The following OLFML3 variants were observed in gnomAD, a reference collection of about 807,000 sequenced individuals.
OLFML3 encodes olfactomedin like 3.
In OLFML3, 26 loss-of-function variants were observed where a neutral mutation model predicts 36.0. The ratio of observed to expected loss-of-function variants is 0.72; its 90% confidence interval spans 0.53 to 1.00. The LOEUF is 1.00. Among genes scored for constraint, OLFML3 ranks in the 50% least tolerant of loss-of-function variants. The pLI, the probability that OLFML3 is intolerant of heterozygous loss-of-function variation, is 0.00. For synonymous variants in OLFML3, 184 were observed against 201.2 expected (o/e 0.91, Z 0.72); for missense variants, 503 against 519.4 (o/e 0.97, Z 0.31).
In OLFML3 at chr1:113,981,180, G is replaced by T; in HGVS notation, c.632G>T (p.Gly211Val). The T allele has an allele frequency of 6.2e-7, 1 of 1,614,240 alleles. No homozygotes were observed. The highest frequency in any genetic ancestry group is 8.5e-7 in the Non-Finnish European group (1 of 1,180,046). ...VRVPFPWVGTGQLVYGGFLYF... is the reference protein window; with the variant it reads ...VRVPFPWVGTVQLVYGGFLYF... ...GTGCCCTTCCCCTGGGTAGGCACAG[G>T]GCAGCTGGTATATGGTGGCTTTCTT... The change falls in exon 3 of 3, where the codon GGG (glycine) becomes GTG (valine). Residue 211 changes from glycine to valine, a missense_variant. Gly to Val is a moderately radical substitution (Grantham distance 109, BLOSUM62 -3). Coordinates refer to ENST00000320334, the MANE Select transcript of OLFML3 (RefSeq NM_020190.5).
intron 1 of OLFML3, chr1:113,980,102 AC>A: frequency 6.5e-7 from 1 of 1,550,312 alleles, no homozygotes; most frequent in Non-Finnish European, 8.7e-7. Flanking sequence ...CACAGAGAAC[AC>A]AGGCTGGAGG....
rs770030976 is a variant in OLFML3 at position 113,980,559 on chromosome 1, TG to T, written c.344del (p.Gly115GlufsTer18). On this transcript the variant is annotated frameshift_variant, in exon 2 of 3. Coordinates refer to ENST00000320334, the MANE Select transcript of OLFML3 (RefSeq NM_020190.5). LOFTEE classifies it high-confidence loss of function. ...PCVEFDEKVT[G>X]GPGTKGKGRR... ...GTGTAGAGTTTGATGAGAAGGTGAC[TG>T]GAGGCCCTGGGACCAAAGGCAAGGG... The T allele has an allele frequency of 6.2e-7, 1 of 1,613,130 alleles. No individual in the cohort carries two copies. Among genetic ancestry groups the T allele is most frequent in the East Asian group, 2.2e-5 (1 of 44,852 alleles).
intron 1 of OLFML3, 57 bp downstream of exon 1, chr1:113,979,687 C>T: frequency 7.7e-7 from 1 of 1,297,318 alleles, no homozygotes; most frequent in South Asian, 1.2e-5. Flanking sequence ...GCTATTGGTT[C>T]AACCAGTTTG....
Position 113,981,343 on chromosome 1 carries a change from C to A in OLFML3, c.795C>A (p.Pro265=). The A allele has an allele frequency of 6.2e-7, 1 of 1,601,772 alleles. No individual in the cohort carries two copies. The highest frequency in any genetic ancestry group is 8.5e-7 in the Non-Finnish European group (1 of 1,173,478). ...TCCCAGCAGAGGGGCTGATCCCCCCCTACGGCTTGACAGCAGACACCTACA... is the reference window on the plus strand; with the variant it reads ...TCCCAGCAGAGGGGCTGATCCCCCCATACGGCTTGACAGCAGACACCTACA... ...SVFPAEGLIP[P]YGLTADTYID... The change falls in exon 3 of 3, where the codon CCC becomes CCA. Residue 265 remains proline, a synonymous_variant. Transcript: ENST00000320334.
At position 113,981,202 on chromosome 1, in the gene OLFML3, T is replaced by G. The variant is rs1673398455; in HGVS notation, c.654T>G (p.Phe218Leu). 14 of 1,614,084 alleles carry G rather than the reference T, an allele frequency of 8.7e-6. No individual in the cohort carries two copies. Among genetic ancestry groups the G allele is most frequent in the East Asian group, 2.2e-5 (1 of 44,884 alleles). ...CAGGGCAGCTGGTATATGGTGGCTT[T>G]CTTTATTTTGCTCGGAGGCCTCCTG... is the stretch of plus-strand genomic sequence containing the variant. ...VGTGQLVYGG[F>L]LYFARRPPGR... The change falls in exon 3 of 3, where the codon TTT becomes TTG. Residue 218 changes from phenylalanine to leucine, a missense_variant. Physicochemically the swap from Phe to Leu is conservative, Grantham distance 22 (BLOSUM62 0). Coordinates refer to ENST00000320334, the MANE Select transcript of OLFML3 (RefSeq NM_020190.5).
rs1440129229 is a variant in OLFML3, at chr1:113,981,284, C to T, written c.736C>T (p.Leu246=). The change falls in exon 3 of 3, where the codon CTG becomes TTG. Residue 246 remains leucine, a synonymous_variant. Coordinates refer to ENST00000320334, the MANE Select transcript of OLFML3 (RefSeq NM_020190.5). ...ENTLQLIKFH[L]ANRTVVDSSV... ...CACTTTGCAGCTAATCAAATTCCAC[C>T]TGGCAAACCGAACAGTGGTGGACAG... The T allele has an allele frequency of 1.2e-6, 2 of 1,605,676 alleles. No homozygotes were observed. Among genetic ancestry groups the T allele is most frequent in the Non-Finnish European group, 1.7e-6 (2 of 1,175,364 alleles).
At position 113,981,443 on chromosome 1, in the gene OLFML3, G is replaced by A; in HGVS notation, c.895G>A (p.Ala299Thr). The change falls in exon 3 of 3, where the codon GCC (alanine) becomes ACC (threonine). Residue 299 changes from alanine to threonine, a missense_variant. Ala to Thr is a moderately conservative substitution (Grantham distance 58). Transcript: ENST00000320334. ...GGAGGATGACAGGCACTTGTGTCTG[G>A]CCAAGTTAGATCCACAGACACTGGA... ...TREDDRHLCL[A>T]KLDPQTLDTE... 2 of 1,613,342 alleles carry A rather than the reference G, an allele frequency of 1.2e-6. No homozygotes were observed. Among genetic ancestry groups the A allele is most frequent in the Non-Finnish European group, 8.5e-7 (1 of 1,179,612 alleles).
Position 113,981,992 on chromosome 1 carries a change from C to T in OLFML3, c.*223C>T. 1.8e-6 allele frequency: 1 copy of T among 548,628 alleles called. No individual in the cohort carries two copies. Among genetic ancestry groups the T allele is most frequent in the South Asian group, 2.1e-5 (1 of 48,744 alleles). 34.0% of individuals were successfully genotyped at this position (548,628 alleles called of 1,614,324 possible). On this transcript the variant is annotated 3_prime_UTR_variant, in exon 3 of 3. Transcript: ENST00000320334. ...CCGAAGAGTCAAAACCCTCAATGTT[C>T]CCTCCTGCTCTCCTGCCCCATGTCA...
At chr1:113,980,020 G>A in intron 1 of OLFML3, 5 of 1,500,182 alleles carry the variant, frequency 3.3e-6, no homozygotes, top group Non-Finnish European at 4.5e-6. Context: ...AATTGCTAAG[G>A]GAGCAGAGAC....
rs1673432204 is a variant in OLFML3 at position 113,981,963 on chromosome 1, G to A, written c.*194G>A. On this transcript the variant is annotated 3_prime_UTR_variant, in exon 3 of 3. Coordinates refer to ENST00000320334, the MANE Select transcript of OLFML3 (RefSeq NM_020190.5). ...CTCCAGATCCTGAGTAATCCTTTTA[G>A]AGCCCGAAGAGTCAAAACCCTCAAT... is the stretch of plus-strand genomic sequence containing the variant. The A allele has an allele frequency of 1.7e-6, 1 of 604,042 alleles. No homozygotes were observed. The highest frequency in any genetic ancestry group is 2.9e-6 in the Non-Finnish European group (1 of 345,622). 37.4% of individuals were successfully genotyped at this position (604,042 alleles called of 1,614,324 possible).
At chr1:113,980,002 G>A (rs1317894598) in intron 1 of OLFML3, 18 of 1,479,684 alleles carry the variant, frequency 1.2e-5, no homozygotes, top group Middle Eastern at 1.8e-4. Flanking sequence ...TTTAGTGTCC[G>A]AGAGGATAAT....
At chr1:113,980,213 G>A in intron 1 of OLFML3, 119 bp from the exon 2 acceptor site, 1 of 1,521,410 alleles carries the variant, frequency 6.6e-7, no homozygotes, top group South Asian at 1.3e-5. Context: ...GAGTGGAAGG[G>A]GATATTGAAG....
chr1:113,981,063 T>TA lies in OLFML3; in HGVS notation c.516dup (p.Asp173ArgfsTer6). The TA allele has an allele frequency of 1.2e-6, 2 of 1,609,676 alleles. No homozygotes were observed. The highest frequency in any genetic ancestry group is 1.7e-6 in the Non-Finnish European group (2 of 1,177,240). ...GGGCAAACAGAGAAGATCTACGTGT[T>TA]AGATGGGACACAGAATGACACAGCC... is the stretch of plus-strand genomic sequence containing the variant. On this transcript the variant is annotated frameshift_variant, in exon 3 of 3. Transcript: ENST00000320334. LOFTEE classifies it high-confidence loss of function.
At chr1:113,980,269 G>A in intron 1 of OLFML3, 63 bp from the exon 2 acceptor site, 11 of 1,524,544 alleles carry the variant, frequency 7.2e-6, no homozygotes, top group Non-Finnish European at 9.7e-6. Flanking sequence ...CTCCCGAGTT[G>A]GGCCTCTCCC....
intron 1 of OLFML3, 80 bp downstream of exon 1, chr1:113,979,710 G>C: frequency 9.1e-7 from 1 of 1,102,550 alleles, no homozygotes; most frequent in Non-Finnish European, 1.4e-6. Flanking sequence ...AGGGATCTGG[G>C]GATAACAAGA....
rs1321842514 is a variant in OLFML3 at position 113,980,445 on chromosome 1, C to T, written c.228C>T (p.Leu76=). ...LEVAEKEREA[L]RTEADTISGR... is the part of the protein sequence containing the mutation. ...TGGCAGAGAAGGAGCGGGAGGCACT[C>T]AGAACTGAGGCCGACACCATCTCCG... The change falls in exon 2 of 3, where the codon CTC becomes CTT. Residue 76 remains leucine (L), a synonymous_variant. Transcript: ENST00000320334. The T allele has an allele frequency of 1.9e-6, 3 of 1,613,860 alleles. No individual in the cohort carries two copies. Among genetic ancestry groups the T allele is most frequent in the Non-Finnish European group, 2.5e-6 (3 of 1,179,892 alleles).
At position 113,981,831 on chromosome 1, in the gene OLFML3, A is replaced by C. The variant is rs990005268; in HGVS notation, c.*62A>C. 3 of 1,432,252 alleles carry C rather than the reference A, an allele frequency of 2.1e-6. No homozygotes were observed. Among genetic ancestry groups the C allele is most frequent in the Non-Finnish European group, 2.9e-6 (3 of 1,042,754 alleles). The allele number at this position is 1,432,252 out of a possible 1,614,324, so 88.7% of individuals were successfully genotyped here. A position where few individuals can be genotyped will look rare whatever the true frequency, so the allele number is the denominator to read the frequency against. ...ATACATTTATATTATATCCCCACTA[A>C]ATTTCTTGTTCCTCATTCTTCAAAT... On this transcript the variant is annotated 3_prime_UTR_variant, in exon 3 of 3. Coordinates refer to ENST00000320334, the MANE Select transcript of OLFML3 (RefSeq NM_020190.5).
rs749036273 is a variant in OLFML3 at position 113,980,933 on chromosome 1, G to A, written c.401-16G>A. 1 of 1,511,770 alleles carries A rather than the reference G, an allele frequency of 6.6e-7. No homozygotes were observed. Among genetic ancestry groups the A allele is most frequent in the South Asian group, 1.3e-5 (1 of 74,446 alleles). 93.6% of individuals were successfully genotyped at this position (1,511,770 alleles called of 1,614,324 possible). A position where few individuals can be genotyped will look rare whatever the true frequency, so the allele number is the denominator to read the frequency against. On this transcript the variant is annotated splice_polypyrimidine_tract_variant and intron_variant, in intron 2 of 2. Transcript: ENST00000320334. ...ATTCTTGCCTCTATTTCCTTTTCCT[G>A]TGCTTTTCTCATCAGACTGTGGCTA...
rs1673434089 is a variant in OLFML3, at chr1:113,982,021, A to G, written c.*252A>G. The stretch of plus-strand genomic sequence containing the variant: ...CCTGCTCTCCTGCCCCATGTCAACA[A>G]ATTTCAGGCTAAGGATGCCCCAGAC... On this transcript the variant is annotated 3_prime_UTR_variant, in exon 3 of 3. Coordinates refer to ENST00000320334, the MANE Select transcript of OLFML3 (RefSeq NM_020190.5). 6.1e-6 allele frequency: 3 copies of G among 489,670 alleles called. No individual in the cohort carries two copies. The highest frequency in any genetic ancestry group is 1.1e-5 in the Non-Finnish European group (3 of 270,680). The allele number at this position is 489,670 out of a possible 1,614,324, so 30.3% of individuals were successfully genotyped here.
Sources: gnomAD v4.1 joint callset for allele counts on GRCh38, gnomAD v4.1.1 for gene constraint, MANE v1.5 for transcripts, NCBI Gene and HGNC (gene_info 2026-07-23, HGNC 2026-07-21) for gene names.